Variants in F13A1 observed in about 807,000 individuals in gnomAD.
F13A1 encodes coagulation factor XIII A chain.
A neutral mutation model predicts 80.1 loss-of-function variants in F13A1; 47 were observed. The observed-to-expected ratio is 0.59, with a 90% CI of 0.46 to 0.75. The LOEUF (loss-of-function observed/expected upper bound fraction) is 0.75. Among genes scored for constraint, F13A1 ranks in the 30% least tolerant of loss-of-function variants. The probability of loss-of-function intolerance (pLI) is 0.00; values close to 1 mark genes in which losing one functional copy is unlikely to be tolerated. For synonymous variants in F13A1, 349 were observed against 344.9 expected (o/e 1.01, Z -0.13); for missense variants, 817 against 930.4 (o/e 0.88, Z 1.59).
At chr6:6,151,788 C>A in intron 14 of F13A1, 25 bp downstream of exon 14, 1 of 1,613,902 alleles carries the variant, frequency 6.2e-7, no homozygotes, top group Admixed American at 1.7e-5. Context: ...CACTGCCTGC[C>A]CGGTCTCCCC....
At chr6:6,270,848 G>C (rs1757910175) in intron 3 of F13A1, among the ~76,000 whole-genome samples, 1 of 152,222 alleles carries the variant, frequency 6.6e-6, no homozygotes, top group Non-Finnish European at 1.5e-5. Flanking sequence ...AGTTGTGTGA[G>C]CCAGAAATGT....
intron 8 of F13A1, among the ~76,000 whole-genome samples, chr6:6,211,263 G>A (rs529992254): frequency 6.6e-6 from 1 of 152,214 alleles, no homozygotes; most frequent in Non-Finnish European, 1.5e-5. Context: ...TTCTTTGAAG[G>A]TGGCAAATAA....
intron 8 of F13A1, among the ~76,000 whole-genome samples, chr6:6,212,983 A>T (rs1761647144): frequency 6.6e-6 from 1 of 152,302 alleles, no homozygotes; most frequent in Non-Finnish European, 1.5e-5. Flanking sequence ...TAGAGAAAAA[A>T]GAATAAAAAG....
At chr6:6,152,866 G>A (rs537827596) in intron 13 of F13A1, among the ~76,000 whole-genome samples, 6 of 152,180 alleles carry the variant, frequency 3.9e-5, no homozygotes, top group Non-Finnish European at 7.3e-5. Context: ...TATACCAAAT[G>A]AATGGATCTG....
At chr6:6,228,844 G>C (rs1328544390) in intron 6 of F13A1, among the ~76,000 whole-genome samples, 1 of 151,988 alleles carries the variant, frequency 6.6e-6, no homozygotes, top group Non-Finnish European at 1.5e-5. Flanking sequence ...AAGAGGTAGA[G>C]ATTCTGGAAC....
At chr6:6,233,066 AAACCCT>A (rs2113076652) in intron 6 of F13A1, among the ~76,000 whole-genome samples, 1 of 152,212 alleles carries the variant, frequency 6.6e-6, no homozygotes, top group East Asian at 1.9e-4. Context: ...AGAACAAACA[AAACCCT>A]AACCCAGCAG....
At chr6:6,194,229 T>C (rs971387028) in intron 10 of F13A1, among the ~76,000 whole-genome samples, 1 of 152,000 alleles carries the variant, frequency 6.6e-6, no homozygotes, top group Non-Finnish European at 1.5e-5. Flanking sequence ...GTGAAAACTC[T>C]CCCTCACTTA....
intron 4 of F13A1, among the ~76,000 whole-genome samples, chr6:6,252,763 A>G (rs1757650705): frequency 6.6e-6 from 1 of 152,220 alleles, no homozygotes; most frequent in African/African-American, 2.4e-5. Flanking sequence ...ATTCTACCCA[A>G]ATTAGTCTAT....
rs775387064 is a variant in F13A1, at chr6:6,305,436, G to T, written c.234C>A (p.Arg78=). Residue 78 remains arginine (R), a synonymous_variant, in exon 3 of 15, where the codon CGC becomes CGA. Transcript: ENST00000264870. Reference sequence around the variant, plus strand: ...TCTGCACATAGAAAGACTGCCCTCTGCGGACAATCAGCTTGTTGTTTTCAT... The same window carrying T: ...TCTGCACATAGAAAGACTGCCCTCTTCGGACAATCAGCTTGTTGTTTTCAT... ...DKYENNKLIV[R]RGQSFYVQID... 5.6e-6 allele frequency: 9 copies of T among 1,614,208 alleles called. No individual in the cohort carries two copies. Among genetic ancestry groups the T allele is most frequent in the Non-Finnish European group, 7.6e-6 (9 of 1,180,032 alleles).
At chr6:6,310,055 C>T (rs1182361669) in intron 2 of F13A1, among the ~76,000 whole-genome samples, 1 of 152,190 alleles carries the variant, frequency 6.6e-6, no homozygotes, top group African/African-American at 2.4e-5. Context: ...GGCTTTCCAG[C>T]TTTACCTCCT....
intron 13 of F13A1, among the ~76,000 whole-genome samples, chr6:6,157,494 G>A (rs1426724535): frequency 6.6e-6 from 1 of 151,964 alleles, no homozygotes; most frequent in Non-Finnish European, 1.5e-5. Flanking sequence ...ATCATTTGCA[G>A]CATCACCTTT....
At chr6:6,210,846 A>G (rs962802979) in intron 8 of F13A1, among the ~76,000 whole-genome samples, 1 of 152,168 alleles carries the variant, frequency 6.6e-6, no homozygotes, top group Non-Finnish European at 1.5e-5. Flanking sequence ...CTCCTGCCTC[A>G]GCCTCCCAAG....
intron 4 of F13A1, among the ~76,000 whole-genome samples, chr6:6,251,630 A>G (rs1418820119): frequency 6.6e-6 from 1 of 152,214 alleles, no homozygotes; most frequent in African/African-American, 2.4e-5. Flanking sequence ...TTTAACACAG[A>G]CAGGACCCTA....
intron 3 of F13A1, among the ~76,000 whole-genome samples, chr6:6,285,328 G>C (rs1758122198): frequency 1.3e-5 from 2 of 152,244 alleles, no homozygotes; most frequent in South Asian, 4.1e-4. Flanking sequence ...GGACACAGCA[G>C]AGGTTTCTGC....
At chr6:6,221,901 CAG>C (rs763430006) in intron 8 of F13A1, 130 bp downstream of exon 8, 39 of 1,029,008 alleles carry the variant, frequency 3.8e-5, no homozygotes, top group Non-Finnish European at 5.5e-5. Context: ...CTTTGACAAT[CAG>C]AGTTTTCTGC....
chr6:6,145,531 CA>C lies in F13A1; in HGVS notation c.*87del. The C allele has an allele frequency of 6.4e-7, 1 of 1,574,682 alleles. No homozygotes were observed. Among genetic ancestry groups the C allele is most frequent in the Non-Finnish European group, 8.7e-7 (1 of 1,145,360 alleles). On this transcript the variant is annotated 3_prime_UTR_variant, in exon 15 of 15. Transcript: ENST00000264870. ...CCTGTCTGGGTCTTCACACCTAAGT[CA>C]AAGCAAGAGCTATTTTTGCGTTAGA...
chr6:6,177,663 G>A (rs912036793), intron 11 of F13A1, among the ~76,000 whole-genome samples: 1 of 152,162 alleles, frequency 6.6e-6, no homozygotes, highest in African/African-American at 2.4e-5. Context: ...TCATGCTGTT[G>A]GAAACCCCAT....
chr6:6,224,900 T>C (rs1757253943), intron 6 of F13A1, 40 bp from the exon 7 acceptor site: 2 of 1,611,580 alleles, frequency 1.2e-6, no homozygotes, highest in African/African-American at 2.7e-5. Context: ...AGAAAGTTCA[T>C]TTAGGTTTGT....
At chr6:6,182,712 A>T (rs908762727) in intron 10 of F13A1, among the ~76,000 whole-genome samples, 2 of 152,212 alleles carry the variant, frequency 1.3e-5, no homozygotes, top group East Asian at 3.9e-4. Flanking sequence ...TGACAATGAG[A>T]AGGTGGCAGA....
Sources: gnomAD v4.1 joint callset for allele counts (sites outside exome capture counted in the v4.1 genomes callset) on GRCh38, gnomAD v4.1.1 for gene constraint, MANE v1.5 for transcripts, NCBI Gene and HGNC (gene_info 2026-07-23, HGNC 2026-07-21) for gene names.